Variants in DNAI7 observed in about 807,000 individuals in gnomAD.
DNAI7 encodes dynein axonemal intermediate chain 7, also known as cancer susceptibility 1.
DNAI7 carries 78 observed loss-of-function variants against 86.6 expected under a neutral mutation model. The ratio of observed to expected loss-of-function variants is 0.90; its 90% CI spans 0.75 to 1.09. DNAI7 has a LOEUF of 1.09. Among genes scored for constraint, DNAI7 ranks in the 50% least tolerant of loss-of-function variants. DNAI7 has a pLI of 0.00. For synonymous variants in DNAI7, 274 were observed against 273.0 expected, an observed-to-expected ratio of 1.00 and a Z score of -0.04; for missense variants, 753 against 810.2, an observed-to-expected ratio of 0.93 and a Z score of 0.86.
At chr12:25,168,068 T>G (rs1282117681) in intron 2 of DNAI7, among the ~76,000 whole-genome samples, 1 of 152,136 alleles carries the variant, frequency 6.6e-6, no homozygotes, top group Non-Finnish European at 1.5e-5. Flanking sequence ...AACCTCCCCC[T>G]CTACACAGTT....
intron 2 of DNAI7, among the ~76,000 whole-genome samples, chr12:25,173,810 T>A (rs143132139): frequency 1.3e-5 from 2 of 149,136 alleles, no homozygotes; most frequent in African/African-American, 5.0e-5. Context: ...ACACACATCA[T>A]ATATATACAT....
At chr12:25,174,176 G>A (rs1192227101) in intron 2 of DNAI7, among the ~76,000 whole-genome samples, 3 of 147,750 alleles carry the variant, frequency 2.0e-5, no homozygotes, top group African/African-American at 7.4e-5. Flanking sequence ...GCAGATTCTG[G>A]ATATTAGTCC....
chr12:25,167,264 T>C lies in DNAI7; in HGVS notation c.22-6067A>G, dbSNP rs540502983. ...TCCTCAAGGAAATAACTTCTCAGTG[T>C]TCCATCTGCTATTCTACTACTCCTC... is the stretch of plus-strand genomic sequence containing the variant. On this transcript the variant is annotated intron_variant, in intron 2 of 15. Transcript: ENST00000395987. Among the ~76,000 whole-genome samples the C allele has an allele frequency of 3.9e-4, 59 of 152,294 alleles. 1 individual carries two copies. The highest frequency in any genetic ancestry group is 6.8e-3 in the Middle Eastern group (2 of 294).
intron 2 of DNAI7, among the ~76,000 whole-genome samples, chr12:25,188,246 A>T (rs1950212382): frequency 6.6e-6 from 1 of 152,178 alleles, no homozygotes; most frequent in Non-Finnish European, 1.5e-5. Flanking sequence ...TGAAAAACAG[A>T]AGGTGCAGAA....
intron 2 of DNAI7, among the ~76,000 whole-genome samples, chr12:25,175,215 A>G (rs953273165): frequency 1.3e-5 from 2 of 152,034 alleles, no homozygotes; most frequent in Admixed American, 6.6e-5. Flanking sequence ...CCTCTCTTCC[A>G]CTCTACTCTC....
intron 9 of DNAI7, among the ~76,000 whole-genome samples, chr12:25,128,663 C>A (rs1033239164): frequency 6.6e-6 from 1 of 152,166 alleles, no homozygotes; most frequent in Non-Finnish European, 1.5e-5. Flanking sequence ...TAAACTGTAT[C>A]ACCATATGCC....
intron 9 of DNAI7, among the ~76,000 whole-genome samples, chr12:25,131,165 C>CAAAA (rs11368564): frequency 4.1e-5 from 6 of 147,366 alleles, no homozygotes; most frequent in Admixed American, 3.4e-4. Context: ...TACCCCCAAC[C>CAAAA]AAAAAAAAAA....
chr12:25,176,888 T>C (rs891797759), intron 2 of DNAI7, among the ~76,000 whole-genome samples: 9 of 151,070 alleles, frequency 6.0e-5, no homozygotes, highest in African/African-American at 2.2e-4. Context: ...AAATTTACCA[T>C]TTTAACCATT....
intron 9 of DNAI7, among the ~76,000 whole-genome samples, chr12:25,127,764 T>A (rs1027858864): frequency 6.6e-6 from 1 of 152,168 alleles, no homozygotes; most frequent in African/African-American, 2.4e-5. Context: ...ATATGTGCAA[T>A]TTGAATTTGA....
At chr12:25,146,872 G>C in intron 8 of DNAI7, 129 bp downstream of exon 8, 4 of 590,406 alleles carry the variant, frequency 6.8e-6, no homozygotes, top group Non-Finnish European at 1.2e-5. Flanking sequence ...ACCCTTAGTG[G>C]GCTAACTTCC....
Position 25,114,845 on chromosome 12 carries a change from G to C in DNAI7, c.1422C>G (p.Ile474Met). Reference protein sequence around the residue: ...AEGKHWRTDGISNVSYKPKER... With the variant: ...AEGKHWRTDGMSNVSYKPKER... ...CTTTTGGTTTGTAGGATACATTGCT[G>C]ATGCCATCAGTTCTCCAATGTTTAC... Residue 474 changes from isoleucine to methionine, a missense_variant, in exon 13 of 16, where the codon ATC (isoleucine) becomes ATG (methionine). Physicochemically the swap from Ile to Met is conservative, Grantham distance 10. Transcript: ENST00000395987. The C allele has an allele frequency of 1.9e-6, 3 of 1,613,504 alleles. No homozygotes were observed. Among genetic ancestry groups the C allele is most frequent in the Non-Finnish European group, 2.5e-6 (3 of 1,179,482 alleles).
Position 25,114,841 on chromosome 12 carries a change from T to C in DNAI7, c.1426A>G (p.Asn476Asp). 6.2e-7 allele frequency: 1 copy of C among 1,613,928 alleles called. No homozygotes were observed. The highest frequency in any genetic ancestry group is 8.5e-7 in the Non-Finnish European group (1 of 1,179,812). ...CTTTCTTTTGGTTTGTAGGATACAT[T>C]GCTGATGCCATCAGTTCTCCAATGT... is the stretch of plus-strand genomic sequence containing the variant. ...GKHWRTDGIS[N>D]VSYKPKERLV... The change falls in exon 13 of 16, where the codon AAT (asparagine) becomes GAT (aspartate). Residue 476 changes from asparagine to aspartate, a missense_variant. By Grantham distance (23) the Asn-to-Asp change is conservative. Coordinates refer to ENST00000395987, the MANE Select transcript of DNAI7 (RefSeq NM_018272.5).
chr12:25,128,506 G>A (rs887623133), intron 9 of DNAI7, among the ~76,000 whole-genome samples: 9 of 152,052 alleles, frequency 5.9e-5, no homozygotes, highest in African/African-American at 9.7e-5. Context: ...GAACATGTAC[G>A]TAGCAGCTGT....
chr12:25,169,157 G>A lies in DNAI7; in HGVS notation c.22-7960C>T, dbSNP rs572224650. Among the ~76,000 whole-genome samples, 33 of 152,286 alleles carry A rather than the reference G, an allele frequency of 2.2e-4. No homozygotes were observed. The East Asian group carries it at 5.8e-3, about 27-fold the overall frequency. ...CCATCATATCCCCTGTGAGGTGCAC[G>A]TACACATCCAGATGGCTGGTTCCTG... On this transcript the variant is annotated intron_variant, in intron 2 of 15. Coordinates refer to ENST00000395987, the MANE Select transcript of DNAI7 (RefSeq NM_018272.5).
chr12:25,139,518 T>C (rs912701792), intron 9 of DNAI7, among the ~76,000 whole-genome samples: 2 of 152,064 alleles, frequency 1.3e-5, no homozygotes, highest in Non-Finnish European at 2.9e-5. Flanking sequence ...CATGCAGCCA[T>C]AAAAAAGGAT....
At chr12:25,113,580 G>A (rs538552535) in intron 13 of DNAI7, among the ~76,000 whole-genome samples, 4 of 152,218 alleles carry the variant, frequency 2.6e-5, no homozygotes, top group African/African-American at 4.8e-5. Context: ...GATTACAGGC[G>A]TGAGCCACCG....
At chr12:25,169,570 A>G (rs191175570) in intron 2 of DNAI7, among the ~76,000 whole-genome samples, 42 of 152,364 alleles carry the variant, frequency 2.8e-4, no homozygotes, top group African/African-American at 9.9e-4. Flanking sequence ...CACAGAGGCC[A>G]GGAGCGATAG....
At chr12:25,164,530 AC>A (rs1202605873) in intron 2 of DNAI7, among the ~76,000 whole-genome samples, 3 of 152,134 alleles carry the variant, frequency 2.0e-5, no homozygotes, top group African/African-American at 7.2e-5. Context: ...TGACCCCAAT[AC>A]AAACTTGACA....
intron 9 of DNAI7, among the ~76,000 whole-genome samples, chr12:25,124,032 T>TTTGTGTGTGTG (rs150611629): frequency 6.9e-6 from 1 of 144,574 alleles, no homozygotes; most frequent in African/African-American, 2.5e-5. Context: ...AGTATAAAAA[T>TTTGTGTGTGTG]TGTGTGTGTG....
Sources: gnomAD v4.1 joint callset for allele counts (sites outside exome capture counted in the v4.1 genomes callset) on GRCh38, gnomAD v4.1.1 for gene constraint, MANE v1.5 for transcripts, NCBI Gene and HGNC (gene_info 2026-07-23, HGNC 2026-07-21) for gene names.